The following NOTCH2NLC variants were observed in gnomAD, a reference collection of about 807,000 sequenced individuals.
NOTCH2NLC encodes the protein notch homolog 2 N-terminal-like protein C.
NOTCH2NLC carries 4 observed loss-of-function variants against 17.7 expected under a neutral mutation model. The observed-to-expected ratio is 0.23, with a 90% CI of 0.11 to 0.52. NOTCH2NLC has a LOEUF of 0.52. NOTCH2NLC is among the 20% of genes least tolerant of loss of function. NOTCH2NLC has a pLI of 0.96. For synonymous variants in NOTCH2NLC, 18 were observed against 86.0 expected, an observed-to-expected ratio of 0.21 and a Z score of 4.38; for missense variants, 57 against 207.2, an observed-to-expected ratio of 0.28 and a Z score of 4.45.
chr1:149,440,391 C>CT (rs1343048289), intron 2 of NOTCH2NLC, among the ~76,000 whole-genome samples: 1 of 134,032 alleles, frequency 7.5e-6, no homozygotes, highest in Non-Finnish European at 1.6e-5. Context: ...TACCCAGAGA[C>CT]TGTCTGACAG....
intron 1 of NOTCH2NLC, among the ~76,000 whole-genome samples, chr1:149,423,390 G>A (rs1349892657): frequency 9.9e-5 from 15 of 151,268 alleles, no homozygotes; most frequent in Non-Finnish European, 1.9e-4. Context: ...TCATGGCTTG[G>A]TCCCAAAAAA....
chr1:149,463,260 C>T (rs2084662120), intron 3 of NOTCH2NLC, among the ~76,000 whole-genome samples: 1 of 148,490 alleles, frequency 6.7e-6, no homozygotes, highest in Admixed American at 6.7e-5. Flanking sequence ...CTACAATTGC[C>T]TCCAGGTGCT....
Position 149,390,820 on chromosome 1 carries a change from C to T in NOTCH2NLC, c.33C>T (p.Gly11=), listed in dbSNP as rs1261186251. ...TCTGCCCAGGCGGCGGCGGCGGCGG[C>T]GGCGGCGGCGGAGGAGGCGGCGACC... MWICPGGGGG[G]GGGGGGGDRE... The change falls in exon 1 of 5, where the codon GGC becomes GGT. Residue 11 remains glycine, a synonymous_variant. Coordinates refer to ENST00000650865, the MANE Select transcript of NOTCH2NLC (RefSeq NM_001364013.2). 4.3e-5 allele frequency: 57 copies of T among 1,316,362 alleles called. No homozygotes were observed. In the African/African-American group the frequency reaches 7.3e-4, roughly 17 times the overall value. 81.5% of individuals were successfully genotyped at this position (1,316,362 alleles called of 1,614,324 possible).
intron 3 of NOTCH2NLC, among the ~76,000 whole-genome samples, chr1:149,463,286 T>C (rs1441807507): frequency 4.7e-5 from 7 of 149,532 alleles, no homozygotes; most frequent in Non-Finnish European, 1.0e-4. Flanking sequence ...CACTGAGTCC[T>C]TGTGTCTCTG....
At chr1:149,409,511 T>C (rs1440513299) in intron 1 of NOTCH2NLC, among the ~76,000 whole-genome samples, 4 of 148,360 alleles carry the variant, frequency 2.7e-5, no homozygotes, top group African/African-American at 9.9e-5. Flanking sequence ...TGGAGTGACA[T>C]AGATTGACAC....
rs1314083041 is a variant in NOTCH2NLC, at chr1:149,414,614, T to C, written c.136-16328T>C. 2.5e-4 allele frequency among the ~76,000 whole-genome samples: 37 copies of C among 150,678 alleles called. 2 individuals carry two copies. The highest frequency in any genetic ancestry group is 4.2e-4 in the Non-Finnish European group (28 of 67,418). On this transcript the variant is annotated intron_variant, in intron 1 of 4. Transcript: ENST00000650865. Reference sequence around the variant, plus strand: ...ATATAAATGTCTGGCTATTAAACCATGTATGCATATGTTAACTCTAAGTAA... The same window carrying C: ...ATATAAATGTCTGGCTATTAAACCACGTATGCATATGTTAACTCTAAGTAA...
At chr1:149,433,381 G>A (rs1188192615) in intron 2 of NOTCH2NLC, among the ~76,000 whole-genome samples, 22 of 148,050 alleles carry the variant, frequency 1.5e-4, no homozygotes, top group Non-Finnish European at 7.5e-5. Context: ...AACCACCATG[G>A]CACATGTATA....
intron 3 of NOTCH2NLC, among the ~76,000 whole-genome samples, chr1:149,461,249 T>A (rs1337833449): frequency 6.7e-6 from 1 of 148,592 alleles, no homozygotes; most frequent in Non-Finnish European, 1.5e-5. Flanking sequence ...GATCTTTCCG[T>A]TTCAGTTGTG....
chr1:149,463,018 TAG>T (rs2084658703), intron 3 of NOTCH2NLC, among the ~76,000 whole-genome samples: 1 of 147,434 alleles, frequency 6.8e-6, no homozygotes, highest in Non-Finnish European at 1.5e-5. Flanking sequence ...GTATTTTTAG[TAG>T]AGACAGGGTT....
chr1:149,428,817 G>T (rs1371993299), intron 1 of NOTCH2NLC, among the ~76,000 whole-genome samples: 1 of 150,278 alleles, frequency 6.7e-6, no homozygotes, highest in African/African-American at 2.4e-5. Flanking sequence ...ATTCCTGCAG[G>T]GGGACAGAGC....
chr1:149,461,303 A>G (rs1261469295), intron 3 of NOTCH2NLC, among the ~76,000 whole-genome samples: 2 of 148,964 alleles, frequency 1.3e-5, no homozygotes, highest in Admixed American at 6.7e-5. Context: ...GAGCATTTAT[A>G]TCTCTTCTCC....
In NOTCH2NLC at chr1:149,470,311, C is replaced by G. The variant is rs1438655131; in HGVS notation, c.*6158C>G. Reference sequence around the variant, plus strand: ...AGGCACTGTGTTTAGTGCTTTTTCCCTTAATACAATAGCTTTGAGATATAA... The same window carrying G: ...AGGCACTGTGTTTAGTGCTTTTTCCGTTAATACAATAGCTTTGAGATATAA... On this transcript the variant is annotated 3_prime_UTR_variant, in exon 5 of 5. Coordinates refer to ENST00000650865, the MANE Select transcript of NOTCH2NLC (RefSeq NM_001364013.2). Among the ~76,000 whole-genome samples the G allele has an allele frequency of 1.5e-3, 220 of 151,008 alleles. 3 individuals are homozygous for G. Among genetic ancestry groups the G allele is most frequent in the African/African-American group, 5.0e-3 (204 of 41,202 alleles).
chr1:149,460,990 A>G (rs1459670627), intron 3 of NOTCH2NLC, among the ~76,000 whole-genome samples: 1 of 139,890 alleles, frequency 7.1e-6, no homozygotes, highest in Non-Finnish European at 1.5e-5. Context: ...TGCTTAGTAC[A>G]GTGGCGCAGT....
chr1:149,413,589 T>C (rs2084311733), intron 1 of NOTCH2NLC, among the ~76,000 whole-genome samples: 1 of 150,934 alleles, frequency 6.6e-6, no homozygotes. Flanking sequence ...AACTCAGCTG[T>C]TTTGAGTGAG....
intron 1 of NOTCH2NLC, among the ~76,000 whole-genome samples, chr1:149,419,688 A>T (rs2084367618): frequency 6.7e-6 from 1 of 149,798 alleles, no homozygotes; most frequent in South Asian, 2.1e-4. Flanking sequence ...TTGGACATTG[A>T]GATTATCAGC....
At chr1:149,422,384 TGTG>T (rs2084383674) in intron 1 of NOTCH2NLC, among the ~76,000 whole-genome samples, 1 of 149,786 alleles carries the variant, frequency 6.7e-6, no homozygotes, top group Non-Finnish European at 1.5e-5. Flanking sequence ...AGGAGCCAAT[TGTG>T]GTTACTACCT....
At chr1:149,393,136 AG>A (rs2084185156) in intron 1 of NOTCH2NLC, among the ~76,000 whole-genome samples, 1 of 149,566 alleles carries the variant, frequency 6.7e-6, no homozygotes, top group Non-Finnish European at 1.5e-5. Flanking sequence ...TCTGACACAT[AG>A]GGCTTCTTTT....
At position 149,469,005 on chromosome 1, in the gene NOTCH2NLC, C is replaced by G. The variant is rs2084702129; in HGVS notation, c.*4852C>G. Reference sequence around the variant, plus strand: ...TTTGAGACGGAGCATCGCTCTTTCTCCCAGGCTGGAGTGCAATGGTGCTAT... The same window carrying G: ...TTTGAGACGGAGCATCGCTCTTTCTGCCAGGCTGGAGTGCAATGGTGCTAT... On this transcript the variant is annotated 3_prime_UTR_variant, in exon 5 of 5. Transcript: ENST00000650865. 9.9e-6 allele frequency among the ~76,000 whole-genome samples: 1 copy of G among 101,002 alleles called. No individual in the cohort carries two copies. Among genetic ancestry groups the G allele is most frequent in the Non-Finnish European group, 2.0e-5 (1 of 50,382 alleles). The allele number at this position is 101,002 out of a possible 152,430, so 66.3% of individuals were successfully genotyped here.
chr1:149,419,853 ATATTTTTTTT>A (rs1457580608), intron 1 of NOTCH2NLC, among the ~76,000 whole-genome samples: 1 of 110,910 alleles, frequency 9.0e-6, no homozygotes, highest in Non-Finnish European at 1.8e-5. Flanking sequence ...ATATATATAT[ATATTTTTTTT>A]TTTTTTTTTT....
Sources: gnomAD v4.1 joint callset for allele counts (sites outside exome capture counted in the v4.1 genomes callset) on GRCh38, gnomAD v4.1.1 for gene constraint, MANE v1.5 for transcripts, NCBI Gene and HGNC (gene_info 2026-07-23, HGNC 2026-07-21) for gene names.